Variants in PHF21A observed in about 807,000 individuals in gnomAD.
PHF21A encodes the protein BHC80a.
In PHF21A, 11 loss-of-function variants were observed where a neutral mutation model predicts 82.5. The ratio of observed to expected loss-of-function variants is 0.13; its 90% confidence interval spans 0.08 to 0.22. The LOEUF (loss-of-function observed/expected upper bound fraction) is 0.22, where lower values mean the gene tolerates loss of function less well. Ranked by LOEUF, PHF21A falls within the 10% of genes least tolerant of loss-of-function variation. The pLI is 1.00. For missense variants in PHF21A, 579 were observed against 837.8 expected (o/e 0.69, Z 3.81); for synonymous variants, 297 against 302.8 (o/e 0.98, Z 0.20).
At chr11:45,951,851 G>C (rs2092163880) in intron 11 of PHF21A, among the ~76,000 whole-genome samples, 1 of 144,718 alleles carries the variant, frequency 6.9e-6, no homozygotes, top group Non-Finnish European at 1.5e-5. Flanking sequence ...CTGTCACCCA[G>C]GCTGCAATAC....
At chr11:46,060,455 GTTATA>G (rs1305140510) in intron 6 of PHF21A, among the ~76,000 whole-genome samples, 2 of 152,040 alleles carry the variant, frequency 1.3e-5, no homozygotes, top group Non-Finnish European at 2.9e-5. Context: ...ATAAAATTAT[GTTATA>G]TTATATAAAA....
At position 45,971,158 on chromosome 11, in the gene PHF21A, C is replaced by T; in HGVS notation, c.570G>A (p.Gly190=). Residue 190 remains glycine, a synonymous_variant, in exon 8 of 19, where the codon GGG becomes GGA. Coordinates refer to ENST00000676320, the MANE Select transcript of PHF21A (RefSeq NM_001352027.3). ...TTGCCACAATTTGGACAGCCTCTGC[C>T]CCAGGCCCAGTGACCTTACTAGACG... ...LQTSSKVTGP[G]AEAVQIVAKN... is the part of the protein sequence containing the mutation. The T allele has an allele frequency of 6.2e-7, 1 of 1,614,182 alleles. No individual in the cohort carries two copies. The highest frequency in any genetic ancestry group is 8.5e-7 in the Non-Finnish European group (1 of 1,180,026).
intron 1 of PHF21A, among the ~76,000 whole-genome samples, chr11:46,101,685 T>G (rs536099286): frequency 6.6e-6 from 1 of 152,046 alleles, no homozygotes; most frequent in South Asian, 2.1e-4. Flanking sequence ...CAGGCTGGAG[T>G]GCAGTGGCAT....
chr11:46,110,530 G>A (rs1304177377), intron 1 of PHF21A, among the ~76,000 whole-genome samples: 1 of 150,680 alleles, frequency 6.6e-6, no homozygotes, highest in Admixed American at 6.7e-5. Context: ...ATAAAAATAT[G>A]GAATGAGAAT....
intron 6 of PHF21A, among the ~76,000 whole-genome samples, chr11:46,069,072 G>A (rs1323483243): frequency 6.6e-6 from 1 of 152,142 alleles, no homozygotes; most frequent in Non-Finnish European, 1.5e-5. Flanking sequence ...AGATAATACA[G>A]CACTGGGAAC....
At chr11:46,050,026 G>A (rs1032231059) in intron 6 of PHF21A, among the ~76,000 whole-genome samples, 1 of 152,180 alleles carries the variant, frequency 6.6e-6, no homozygotes, top group Non-Finnish European at 1.5e-5. Flanking sequence ...ATTTGCTGTA[G>A]GGCTCTGCTC....
intron 6 of PHF21A, among the ~76,000 whole-genome samples, chr11:46,064,483 T>C (rs1329606537): frequency 6.6e-6 from 1 of 152,182 alleles, no homozygotes; most frequent in Non-Finnish European, 1.5e-5. Flanking sequence ...CACACAAACA[T>C]TTGCTTCCTA....
chr11:46,022,834 G>A (rs774880884), intron 6 of PHF21A, among the ~76,000 whole-genome samples: 1 of 152,078 alleles, frequency 6.6e-6, no homozygotes, highest in African/African-American at 2.4e-5. Flanking sequence ...CCAGGCTGGA[G>A]TGCAGTGGTG....
rs151090965 is a variant in PHF21A, at chr11:45,934,057, G to T, written c.1957C>A (p.Pro653Thr). The change falls in exon 19 of 19, where the codon CCT becomes ACT. Residue 653 changes from proline (P) to threonine (T), a missense_variant. Around this residue, in one of 3 missense-constraint regions of PHF21A, gnomAD observed 157 missense variants for 149.4 expected, o/e 1.05. Transcript: ENST00000676320. ...GGCGTGGAGGTGGCGGCATTGGCAG[G>T]GGGGGTGCAGTCCGGGCCATTGGAG... The part of the protein sequence containing the change: ...AISNGPDCTP[P>T]ANAATSTPAP... 1.2e-4 allele frequency: 191 copies of T among 1,613,840 alleles called. 1 individual carries two copies. Among genetic ancestry groups the T allele is most frequent in the Middle Eastern group, 1.6e-4 (1 of 6,080 alleles).
At chr11:46,055,397 T>C (rs2096438178) in intron 6 of PHF21A, among the ~76,000 whole-genome samples, 1 of 152,198 alleles carries the variant, frequency 6.6e-6, no homozygotes, top group Non-Finnish European at 1.5e-5. Flanking sequence ...TCACTCTTGA[T>C]AACTGTTCTA....
In PHF21A at chr11:45,967,190, G is replaced by A. The variant is rs1358174311; in HGVS notation, c.703-1582C>T. On this transcript the variant is annotated intron_variant, in intron 9 of 18. Transcript: ENST00000676320. ...TTGAGACCGGCCTGGCCAACACAGT[G>A]AAACCCATCTCTACTAAAAATACGA... Among the ~76,000 whole-genome samples, 6 of 151,962 alleles carry A rather than the reference G, an allele frequency of 3.9e-5. No homozygotes were observed. The East Asian group carries it at 9.7e-4, about 25-fold the overall frequency.
At chr11:46,101,159 A>C (rs1186627545) in intron 1 of PHF21A, among the ~76,000 whole-genome samples, 1 of 152,210 alleles carries the variant, frequency 6.6e-6, no homozygotes, top group Non-Finnish European at 1.5e-5. Flanking sequence ...CAAAACTAAT[A>C]ATCTCAGAAC....
chr11:46,092,303 G>T (rs990438123), intron 1 of PHF21A, 80 bp from the exon 2 acceptor site: 1 of 152,020 alleles, frequency 6.6e-6, no homozygotes, highest in South Asian at 2.1e-4. Context: ...AAGACTCAAA[G>T]ATTACTGATT....
At chr11:46,080,303 T>G (rs1241862185) in intron 4 of PHF21A, among the ~76,000 whole-genome samples, 1 of 151,612 alleles carries the variant, frequency 6.6e-6, no homozygotes, top group East Asian at 1.9e-4. Context: ...GGACCCCAGG[T>G]GCACACCAGC....
intron 10 of PHF21A, among the ~76,000 whole-genome samples, chr11:45,961,028 G>A (rs1297022194): frequency 6.6e-6 from 1 of 151,994 alleles, no homozygotes; most frequent in Non-Finnish European, 1.5e-5. Flanking sequence ...TTATTATCAT[G>A]CTTGTCTTAC....
At chr11:45,998,608 G>C (rs943557399) in intron 6 of PHF21A, among the ~76,000 whole-genome samples, 1 of 151,720 alleles carries the variant, frequency 6.6e-6, no homozygotes, top group Non-Finnish European at 1.5e-5. Flanking sequence ...CACCTCCCAG[G>C]TTCAAGTGAT....
intron 9 of PHF21A, 99 bp downstream of exon 9, chr11:45,969,716 A>C: frequency 1.3e-6 from 1 of 757,402 alleles, no homozygotes; most frequent in East Asian, 2.6e-5. Flanking sequence ...CGGGATAGAC[A>C]GCTGGGCTGA....
chr11:46,017,093 C>G (rs758113439), intron 6 of PHF21A, among the ~76,000 whole-genome samples: 1 of 152,076 alleles, frequency 6.6e-6, no homozygotes, highest in Non-Finnish European at 1.5e-5. Context: ...GCCTCAGCCT[C>G]CTGAGTTGCT....
intron 1 of PHF21A, among the ~76,000 whole-genome samples, chr11:46,109,601 T>C (rs1359437651): frequency 6.6e-6 from 1 of 152,120 alleles, no homozygotes; most frequent in Non-Finnish European, 1.5e-5. Flanking sequence ...CACCAGTACA[T>C]TTATATTTAT....
Sources: allele counts gnomAD v4.1 joint callset (sites outside exome capture counted in the v4.1 genomes callset), GRCh38; gene constraint gnomAD v4.1.1; regional missense constraint gnomAD v4.1.1; transcripts MANE v1.5; gene names NCBI Gene and HGNC (gene_info 2026-07-23, HGNC 2026-07-21).